The following RNF130 variants were observed in gnomAD, a reference collection of about 807,000 sequenced individuals.
The protein encoded by RNF130 is ring finger protein 130.
RNF130 carries 21 observed loss-of-function variants against 44.6 expected under a neutral mutation model. The ratio of observed to expected loss-of-function variants is 0.47; its 90% CI spans 0.33 to 0.68. RNF130 has a LOEUF of 0.68. RNF130 is among the 30% of genes least tolerant of loss of function. The probability of loss-of-function intolerance (pLI) is 0.02; values close to 1 mark genes in which losing one functional copy is unlikely to be tolerated. For missense variants in RNF130, 479 were observed against 560.6 expected (o/e 0.85, Z 1.47); for synonymous variants, 214 against 210.4 (o/e 1.02, Z -0.15).
At chr5:179,994,097 G>T (rs1026537314) in intron 3 of RNF130, among the ~76,000 whole-genome samples, 1 of 152,074 alleles carries the variant, frequency 6.6e-6, no homozygotes, top group Admixed American at 6.6e-5. Flanking sequence ...CTCTGTTTTG[G>T]TACCAGTACC....
chr5:180,019,973 C>T (rs1442995709), intron 2 of RNF130, among the ~76,000 whole-genome samples: 3 of 152,000 alleles, frequency 2.0e-5, no homozygotes, highest in Admixed American at 6.6e-5. Context: ...CTGGGCAGGA[C>T]GGAGAGGTGA....
At chr5:179,986,359 GTCATGACT>G (rs1762952242) in intron 3 of RNF130, among the ~76,000 whole-genome samples, 1 of 152,166 alleles carries the variant, frequency 6.6e-6, no homozygotes, top group African/African-American at 2.4e-5. Flanking sequence ...TTCTTGTAAC[GTCATGACT>G]TCTCTCCGCT....
intron 3 of RNF130, among the ~76,000 whole-genome samples, chr5:180,002,698 G>A (rs1407709088): frequency 6.6e-6 from 1 of 152,154 alleles, no homozygotes; most frequent in Non-Finnish European, 1.5e-5. Context: ...ATCCTGGTTA[G>A]AGGATGGGAC....
chr5:180,010,424 ATCATGGC>A (rs1286651378), intron 3 of RNF130, among the ~76,000 whole-genome samples: 3 of 151,938 alleles, frequency 2.0e-5, no homozygotes, highest in African/African-American at 7.3e-5. Context: ...CAGTGGTACG[ATCATGGC>A]TCACTGCAGC....
At chr5:180,037,333 G>A (rs1481854097) in intron 2 of RNF130, among the ~76,000 whole-genome samples, 1 of 152,202 alleles carries the variant, frequency 6.6e-6, no homozygotes, top group Non-Finnish European at 1.5e-5. Context: ...ACGGTTGGAG[G>A]TGAAATGTGA....
intron 1 of RNF130, among the ~76,000 whole-genome samples, chr5:180,055,684 G>C (rs1764802563): frequency 6.6e-6 from 1 of 152,112 alleles, no homozygotes; most frequent in Non-Finnish European, 1.5e-5. Flanking sequence ...TTACTAAATT[G>C]TCCCTCATCA....
intron 1 of RNF130, among the ~76,000 whole-genome samples, chr5:180,045,655 G>A (rs573430952): frequency 2.6e-5 from 4 of 152,242 alleles, no homozygotes; most frequent in South Asian, 2.1e-4. Flanking sequence ...TGACTGGTGC[G>A]TTTACAAACC....
chr5:179,947,408 T>C (rs908641018), intron 7 of RNF130, among the ~76,000 whole-genome samples: 1 of 152,144 alleles, frequency 6.6e-6, no homozygotes, highest in Non-Finnish European at 1.5e-5. Flanking sequence ...CCTTTTCTAC[T>C]ATCATGCTCT....
intron 5 of RNF130, among the ~76,000 whole-genome samples, chr5:179,974,375 T>C (rs2113711650): frequency 6.6e-6 from 1 of 152,340 alleles, no homozygotes; most frequent in South Asian, 2.1e-4. Flanking sequence ...AGGTGACAGT[T>C]CCTCGGTTTC....
chr5:180,019,072 C>CT (rs1390750587), intron 2 of RNF130, among the ~76,000 whole-genome samples: 3 of 152,174 alleles, frequency 2.0e-5, no homozygotes, highest in Non-Finnish European at 4.4e-5. Flanking sequence ...ACACCATATA[C>CT]TTTAAGTGAA....
chr5:180,043,580 A>G (rs1173345605), intron 1 of RNF130, among the ~76,000 whole-genome samples: 2 of 152,136 alleles, frequency 1.3e-5, no homozygotes, highest in Non-Finnish European at 1.5e-5. Context: ...CTCAGAAGAC[A>G]GCAGTTCAGT....
At chr5:180,032,337 A>G (rs946060681) in intron 2 of RNF130, among the ~76,000 whole-genome samples, 4 of 152,114 alleles carry the variant, frequency 2.6e-5, no homozygotes, top group Non-Finnish European at 5.9e-5. Context: ...AAGTGAAGTC[A>G]TTTTTATATA....
Position 180,022,818 on chromosome 5 carries a change from T to A in RNF130, c.443-9507A>T, listed in dbSNP as rs79900141. 5.3e-5 allele frequency among the ~76,000 whole-genome samples: 8 copies of A among 152,362 alleles called. No homozygotes were observed. In the East Asian group the frequency reaches 1.5e-3, roughly 29 times the overall value. ...TTCACCTCCCTAGTTTTGTGCCTCT[T>A]TCAAGTAAGATGCTTACATTTATGC... is the stretch of plus-strand genomic sequence containing the variant. On this transcript the variant is annotated intron_variant, in intron 2 of 8. Coordinates refer to ENST00000521389, the MANE Select transcript of RNF130 (RefSeq NM_018434.6).
chr5:179,977,362 C>G lies in RNF130; in HGVS notation c.848+841G>C, dbSNP rs1762736242. On this transcript the variant is annotated intron_variant, in intron 5 of 8. Transcript: ENST00000521389. The surrounding 1 kb of genome is among the most constrained non-coding windows in gnomAD (Gnocchi z 4.1). ...AGCCAGGTGAGCTCGATGGAAGTCT[C>G]ACTGAAGGGCTTGGAGATGTAGTCT... 1 of 152,170 alleles carries G rather than the reference C, an allele frequency of 6.6e-6. No individual in the cohort carries two copies. The highest frequency in any genetic ancestry group is 6.5e-5 in the Admixed American group (1 of 15,278). 9.4% of individuals were successfully genotyped at this position (152,170 alleles called of 1,614,324 possible). A position where few individuals can be genotyped will look rare whatever the true frequency, so the allele number is the denominator to read the frequency against.
chr5:180,062,022 A>C (rs1234461443), intron 1 of RNF130, among the ~76,000 whole-genome samples: 1 of 151,464 alleles, frequency 6.6e-6, no homozygotes, highest in Non-Finnish European at 1.5e-5. Context: ...ACATGGCAGA[A>C]AAGGGCAAAC....
At chr5:180,017,646 G>A (rs1177981512) in intron 2 of RNF130, among the ~76,000 whole-genome samples, 2 of 151,926 alleles carry the variant, frequency 1.3e-5, no homozygotes, top group African/African-American at 4.8e-5. Flanking sequence ...CAGAAATGCT[G>A]GGTGGGCAGT....
chr5:179,941,278 GA>G (rs1761966338), intron 7 of RNF130, among the ~76,000 whole-genome samples: 1 of 152,178 alleles, frequency 6.6e-6, no homozygotes. Flanking sequence ...TGCTGATGGT[GA>G]CCTTTCTCTA....
chr5:179,999,331 G>A (rs1383773439), intron 3 of RNF130, among the ~76,000 whole-genome samples: 1 of 151,912 alleles, frequency 6.6e-6, no homozygotes, highest in Non-Finnish European at 1.5e-5. Flanking sequence ...TGTTTTATCT[G>A]ATACAAGTAC....
At chr5:180,021,157 G>A (rs562239543) in intron 2 of RNF130, among the ~76,000 whole-genome samples, 13 of 152,042 alleles carry the variant, frequency 8.6e-5, no homozygotes, top group African/African-American at 2.7e-4. Context: ...TAGTAGAGAC[G>A]GGGATTCACC....
Sources: gnomAD v4.1 joint callset for allele counts (sites outside exome capture counted in the v4.1 genomes callset) on GRCh38, gnomAD v4.1.1 for gene constraint, Gnocchi (gnomAD v3.1) non-coding constraint, MANE v1.5 for transcripts, NCBI Gene and HGNC (gene_info 2026-07-23, HGNC 2026-07-21) for gene names.